The following MALRD1 variants were observed in gnomAD, a reference collection of about 807,000 sequenced individuals.
MALRD1 encodes MAM and LDL receptor class A domain containing 1.
Under a neutral mutation model 242.1 loss-of-function variants are expected in MALRD1, and 247 were observed. The observed-to-expected ratio is 1.02, with a 90% CI of 0.92 to 1.13. The LOEUF (loss-of-function observed/expected upper bound fraction) is 1.13, where lower values mean the gene tolerates loss of function less well. MALRD1 is among the 50% of genes most tolerant of loss of function. The probability of loss-of-function intolerance (pLI) is 0.00; values close to 1 mark genes in which losing one functional copy is unlikely to be tolerated. For missense variants in MALRD1, 2,989 were observed against 2,533.1 expected (o/e 1.18, Z -3.86); for synonymous variants, 995 against 866.6 (o/e 1.15, Z -2.60).
At chr10:19,127,346 G>C (rs1837314265) in intron 7 of MALRD1, among the ~76,000 whole-genome samples, 1 of 152,166 alleles carries the variant, frequency 6.6e-6, no homozygotes, top group African/African-American at 2.4e-5. Context: ...AATGTAAATA[G>C]TGTAAGCTTT....
chr10:19,454,825 G>T (rs1190302792), intron 29 of MALRD1, among the ~76,000 whole-genome samples: 1 of 151,586 alleles, frequency 6.6e-6, no homozygotes, highest in African/African-American at 2.4e-5. Context: ...AGCTATTTAA[G>T]TTTCATATTT....
intron 31 of MALRD1, among the ~76,000 whole-genome samples, chr10:19,514,310 C>T (rs1342876792): frequency 1.3e-5 from 2 of 152,158 alleles, no homozygotes; most frequent in Non-Finnish European, 2.9e-5. Flanking sequence ...AATAACATAT[C>T]ATACAATATA....
intron 4 of MALRD1, among the ~76,000 whole-genome samples, chr10:19,101,717 T>C (rs1249948256): frequency 7.4e-6 from 1 of 135,728 alleles, no homozygotes; most frequent in African/African-American, 2.7e-5. Flanking sequence ...ATAATATATA[T>C]TCTATAATAT....
In MALRD1 at chr10:19,096,082, A is replaced by G. The variant is rs367600620; in HGVS notation, c.597+7897A>G. ...GCTTTGTGCCTTTTTAGACGTGTCT[A>G]TGTTTTTTGATCAAGGTCTCTATAA... On this transcript the variant is annotated intron_variant, in intron 4 of 39. Coordinates refer to ENST00000454679, the MANE Select transcript of MALRD1 (RefSeq NM_001142308.3). 1.1e-3 allele frequency among the ~76,000 whole-genome samples: 171 copies of G among 152,244 alleles called. 2 individuals are homozygous for G. In the South Asian group the frequency reaches 0.034, roughly 30 times the overall value.
chr10:19,622,099 T>C (rs886093950), intron 36 of MALRD1, among the ~76,000 whole-genome samples: 4 of 151,710 alleles, frequency 2.6e-5, no homozygotes, highest in Non-Finnish European at 4.4e-5. Flanking sequence ...TCCATTAAAA[T>C]TAGAAACAAA....
chr10:19,157,455 T>G (rs573356173), intron 12 of MALRD1, among the ~76,000 whole-genome samples: 86 of 151,952 alleles, frequency 5.7e-4, no homozygotes, highest in South Asian at 5.2e-3. Flanking sequence ...CACCATGTTA[T>G]CCAGGATGGT....
chr10:19,554,932 A>G (rs377305848), intron 32 of MALRD1, among the ~76,000 whole-genome samples: 6 of 152,040 alleles, frequency 3.9e-5, no homozygotes, highest in Middle Eastern at 3.2e-3. Context: ...GCTGGGTCAG[A>G]TGGTATTTCT....
chr10:19,347,748 A>G, intron 24 of MALRD1, 23 bp from the exon 25 acceptor site: 3 of 1,548,728 alleles, frequency 1.9e-6, no homozygotes, highest in South Asian at 2.4e-5. Flanking sequence ...TTTCTGTAAC[A>G]TATATTTGGA....
rs188801382 is a variant in MALRD1, at chr10:19,141,612, T to A, written c.1412-4586T>A. 9.6e-3 allele frequency among the ~76,000 whole-genome samples: 1,446 copies of A among 151,080 alleles called. 14 individuals carry two copies. The highest frequency in any genetic ancestry group is 0.03 in the African/African-American group (1,226 of 41,330). On this transcript the variant is annotated intron_variant, in intron 10 of 39. Transcript: ENST00000454679. ...TTTTCAATAACTCATATAGGAAAAA[T>A]ATATATATATATAGAATCTACTTCA...
At chr10:19,398,371 C>A (rs773047236) in intron 28 of MALRD1, among the ~76,000 whole-genome samples, 1 of 150,164 alleles carries the variant, frequency 6.7e-6, no homozygotes, top group Non-Finnish European at 1.5e-5. Context: ...TTTTAAAAAT[C>A]TGTAATAGTG....
chr10:19,112,515 A>G (rs376196333), intron 5 of MALRD1, among the ~76,000 whole-genome samples: 33 of 152,320 alleles, frequency 2.2e-4, no homozygotes, highest in Middle Eastern at 6.8e-3. Context: ...CAGTACTGTT[A>G]GAGTCGGGGA....
At chr10:19,394,758 C>T (rs544577245) in intron 28 of MALRD1, among the ~76,000 whole-genome samples, 1 of 152,144 alleles carries the variant, frequency 6.6e-6, no homozygotes, top group Non-Finnish European at 1.5e-5. Flanking sequence ...ATCATGTCGA[C>T]CTTCTAAAAG....
chr10:19,228,084 C>A (rs984071716), intron 18 of MALRD1, among the ~76,000 whole-genome samples: 2 of 151,970 alleles, frequency 1.3e-5, no homozygotes, highest in African/African-American at 2.4e-5. Context: ...GATCATATAG[C>A]CAAGTAATTC....
chr10:19,567,414 A>G (rs1836303837), intron 32 of MALRD1, 88 bp from the exon 33 acceptor site: 1 of 1,153,208 alleles, frequency 8.7e-7, no homozygotes, highest in Non-Finnish European at 1.2e-6. Context: ...TTACATAGCC[A>G]GAGATTTCAT....
At chr10:19,688,451 A>G (rs1329536079) in intron 36 of MALRD1, among the ~76,000 whole-genome samples, 1 of 151,538 alleles carries the variant, frequency 6.6e-6, no homozygotes, top group Non-Finnish European at 1.5e-5. Flanking sequence ...TTTGTAAAGA[A>G]GGTCTCTCCC....
intron 33 of MALRD1, among the ~76,000 whole-genome samples, chr10:19,569,967 C>T (rs1836443324): frequency 6.6e-6 from 1 of 151,712 alleles, no homozygotes; most frequent in Non-Finnish European, 1.5e-5. Context: ...TAAGAAATTA[C>T]TGTTTTTCAA....
At chr10:19,614,013 T>G (rs1213844026) in intron 35 of MALRD1, among the ~76,000 whole-genome samples, 2 of 152,198 alleles carry the variant, frequency 1.3e-5, no homozygotes, top group East Asian at 3.9e-4. Flanking sequence ...AATTTCATTC[T>G]GCATTTTAAT....
chr10:19,066,822 AT>A lies in MALRD1; in HGVS notation c.304del (p.Ser102HisfsTer29), dbSNP rs1427145674. ...WTKRSGMIGL[S>X]PPFYDHNGDV... ...CAAAGAGAAGTGGGATGATTGGTCT[AT>A]CACCTCCATTTTATGATCACAATGG... On this transcript the variant is annotated frameshift_variant, in exon 2 of 40. Transcript: ENST00000454679. LOFTEE classifies it high-confidence loss of function. 5 of 1,233,628 alleles carry A rather than the reference AT, an allele frequency of 4.1e-6. No homozygotes were observed. The highest frequency in any genetic ancestry group is 5.1e-6 in the Non-Finnish European group (5 of 988,058). The allele number at this position is 1,233,628 out of a possible 1,614,324, so 76.4% of individuals were successfully genotyped here.
chr10:19,119,061 G>A (rs1340630511), intron 5 of MALRD1, among the ~76,000 whole-genome samples: 2 of 152,122 alleles, frequency 1.3e-5, no homozygotes, highest in African/African-American at 2.4e-5. Context: ...TAGTAGTGGA[G>A]GTCATAAGAT....
Sources: gnomAD v4.1 joint callset for allele counts (sites outside exome capture counted in the v4.1 genomes callset) on GRCh38, gnomAD v4.1.1 for gene constraint, MANE v1.5 for transcripts, NCBI Gene and HGNC (gene_info 2026-07-23, HGNC 2026-07-21) for gene names.